Variants in KLRD1 observed in about 807,000 individuals in gnomAD.
The protein encoded by KLRD1 is killer cell lectin like receptor D1.
Under a neutral mutation model 22.6 loss-of-function variants are expected in KLRD1, and 21 were observed. The observed-to-expected ratio is 0.93, with a 90% CI of 0.66 to 1.34. The LOEUF (loss-of-function observed/expected upper bound fraction) is 1.34, where lower values mean the gene tolerates loss of function less well. KLRD1 is among the 40% of genes most tolerant of loss of function. KLRD1 has a pLI of 0.00. For missense variants in KLRD1, 183 were observed against 208.6 expected, an observed-to-expected ratio of 0.88 and a Z score of 0.76; for synonymous variants, 59 against 71.1, an observed-to-expected ratio of 0.83 and a Z score of 0.85.
rs144842125 is a variant in KLRD1, at chr12:10,254,972, G to T, written c.-101+28739G>T. 2.1e-3 allele frequency among the ~76,000 whole-genome samples: 320 copies of T among 148,902 alleles called. 16 individuals carry two copies. Among genetic ancestry groups the T allele is most frequent in the African/African-American group, 7.6e-3 (308 of 40,350 alleles). On this transcript the variant is annotated intron_variant, in intron 1 of 5. Transcript: ENST00000544747. ...ACTTCTCAAAAGAAGACATACTTGT[G>T]GCCTACAAGCACATGAAAAAAGCTC... is the stretch of plus-strand genomic sequence containing the variant.
At chr12:10,240,403 A>T (rs1192599502) in intron 1 of KLRD1, among the ~76,000 whole-genome samples, 1 of 150,462 alleles carries the variant, frequency 6.6e-6, no homozygotes, top group Admixed American at 6.6e-5. Flanking sequence ...CTTTGCTTTC[A>T]TTGTTCAGCT....
intron 1 of KLRD1, among the ~76,000 whole-genome samples, chr12:10,298,641 C>T (rs992819656): frequency 4.6e-5 from 7 of 152,224 alleles, no homozygotes; most frequent in African/African-American, 9.6e-5. Context: ...CCACCCAGGG[C>T]GGGAAACCTT....
chr12:10,274,184 G>C (rs1322960507), intron 1 of KLRD1, among the ~76,000 whole-genome samples: 1 of 152,146 alleles, frequency 6.6e-6, no homozygotes, highest in Non-Finnish European at 1.5e-5. Flanking sequence ...GGAGGCTGAG[G>C]CAGGAGAATC....
At chr12:10,288,873 G>A (rs952189227) in intron 1 of KLRD1, among the ~76,000 whole-genome samples, 1 of 152,176 alleles carries the variant, frequency 6.6e-6, no homozygotes, top group Non-Finnish European at 1.5e-5. Context: ...CGTACCAAAT[G>A]AGTGTCTAGT....
In KLRD1 at chr12:10,239,434, T is replaced by TTTCCTTCCTTCCTTCC. The variant is rs1190408287; in HGVS notation, c.-101+13237_-101+13252dup. ...CTTCCTTCTTTCCATCCTTCCTTCC[T>TTTCCTTCCTTCCTTCC]TTCCTTCCTTCCTTCCTTCCTTCCT... On this transcript the variant is annotated intron_variant, in intron 1 of 5. Transcript: ENST00000544747. 8.5e-3 allele frequency among the ~76,000 whole-genome samples: 354 copies of TTTCCTTCCTTCCTTCC among 41,434 alleles called. 36 individuals carry two copies. Among genetic ancestry groups the TTTCCTTCCTTCCTTCC allele is most frequent in the Non-Finnish European group, 0.012 (246 of 20,354 alleles). The allele number at this position is 41,434 out of a possible 152,430, so 27.2% of individuals were successfully genotyped here. A position where few individuals can be genotyped will look rare whatever the true frequency, so the allele number is the denominator to read the frequency against.
chr12:10,250,306 C>G (rs1010479603), intron 1 of KLRD1, among the ~76,000 whole-genome samples: 2 of 146,134 alleles, frequency 1.4e-5, no homozygotes, highest in African/African-American at 5.1e-5. Context: ...TGGCCCCAAA[C>G]ATTTTAGCAT....
chr12:10,286,071 C>T (rs1949699541), intron 1 of KLRD1, among the ~76,000 whole-genome samples: 1 of 152,176 alleles, frequency 6.6e-6, no homozygotes, highest in South Asian at 2.1e-4. Flanking sequence ...CACTTTATCC[C>T]CAACATCCTG....
At chr12:10,299,944 T>C (rs1015539389), upstream of KLRD1, among the ~76,000 whole-genome samples, 6 of 152,196 alleles carry the variant, frequency 3.9e-5, no homozygotes, top group Non-Finnish European at 8.8e-5. Context: ...ACTCATATAT[T>C]CACGTTTTCT....
chr12:10,274,598 T>C (rs894262077), intron 1 of KLRD1, among the ~76,000 whole-genome samples: 3 of 152,206 alleles, frequency 2.0e-5, no homozygotes, highest in African/African-American at 7.2e-5. Context: ...AATTTCTTTT[T>C]CATGCTGTCT....
rs189568080 is a variant in KLRD1 at position 10,315,238 on chromosome 12, C to T, written c.*445C>T. On this transcript the variant is annotated 3_prime_UTR_variant, in exon 6 of 6. Transcript: ENST00000336164. ...AGCTCAAGTGATCCTCCTGACTCAG[C>T]CTCCCAAGTAGCTAGGACTGCAGGC... 2 of 425,652 alleles carry T rather than the reference C, an allele frequency of 4.7e-6. No homozygotes were observed. Among genetic ancestry groups the T allele is most frequent in the South Asian group, 1.6e-5 (1 of 61,230 alleles). The allele number at this position is 425,652 out of a possible 1,614,324, so 26.4% of individuals were successfully genotyped here.
At chr12:10,262,314 T>C (rs560120133) in intron 1 of KLRD1, among the ~76,000 whole-genome samples, 12 of 152,052 alleles carry the variant, frequency 7.9e-5, no homozygotes, top group Non-Finnish European at 1.8e-4. Context: ...AAAATGTCAG[T>C]TTTCTTCAAA....
chr12:10,288,185 G>C (rs1348551002), intron 1 of KLRD1, among the ~76,000 whole-genome samples: 1 of 151,046 alleles, frequency 6.6e-6, no homozygotes, highest in African/African-American at 2.4e-5. Context: ...GGAGGTTACA[G>C]TGAGCCGATA....
intron 1 of KLRD1, among the ~76,000 whole-genome samples, chr12:10,240,068 T>G (rs1481939326): frequency 6.8e-6 from 1 of 147,884 alleles, no homozygotes; most frequent in Admixed American, 6.7e-5. Flanking sequence ...CTTTCTTTCT[T>G]TTTTTTTTTG....
At chr12:10,264,142 G>C (rs1179774339) in intron 1 of KLRD1, among the ~76,000 whole-genome samples, 2 of 152,078 alleles carry the variant, frequency 1.3e-5, no homozygotes, top group Non-Finnish European at 2.9e-5. Flanking sequence ...CTCTATTTCT[G>C]TCATATATTT....
At chr12:10,289,010 C>G (rs760084462) in intron 1 of KLRD1, among the ~76,000 whole-genome samples, 2 of 152,168 alleles carry the variant, frequency 1.3e-5, no homozygotes, top group Non-Finnish European at 2.9e-5. Flanking sequence ...TCCTGTGTCT[C>G]TTTTTCTTTA....
chr12:10,293,256 A>T (rs1043850521), intron 1 of KLRD1, among the ~76,000 whole-genome samples: 2 of 145,474 alleles, frequency 1.4e-5, no homozygotes, highest in Non-Finnish European at 3.0e-5. Flanking sequence ...ATTTGGCTAA[A>T]TGTTTGACTC....
In KLRD1 at chr12:10,323,786, GCAT is replaced by G. The variant is rs1044982231; in HGVS notation, c.*8997_*8999del. 5.3e-5 allele frequency: 8 copies of G among 150,506 alleles called. No individual in the cohort carries two copies. Among genetic ancestry groups the G allele is most frequent in the African/African-American group, 1.9e-4 (8 of 41,028 alleles). The allele number at this position is 150,506 out of a possible 1,614,324, so 9.3% of individuals were successfully genotyped here. A position where few individuals can be genotyped will look rare whatever the true frequency, so the allele number is the denominator to read the frequency against. The stretch of plus-strand genomic sequence containing the variant: ...ATCTGTGTTCTAGATTTTTCATTCA[GCAT>G]CATAATAGTTTTTATACTCATCTAT... On this transcript the variant is annotated 3_prime_UTR_variant, in exon 6 of 6. Coordinates refer to ENST00000336164, the MANE Select transcript of KLRD1 (RefSeq NM_002262.5).
intron 1 of KLRD1, among the ~76,000 whole-genome samples, chr12:10,288,986 G>A (rs1949738902): frequency 6.6e-6 from 1 of 151,958 alleles, no homozygotes; most frequent in African/African-American, 2.4e-5. Context: ...TCTGAGTTAG[G>A]GCATCCTTTT....
intron 1 of KLRD1, among the ~76,000 whole-genome samples, chr12:10,271,607 A>G (rs1034979236): frequency 9.2e-5 from 14 of 152,114 alleles, no homozygotes; most frequent in Admixed American, 3.3e-4. Context: ...TCCGTTCTGG[A>G]TATTTGAAGA....
Sources: gnomAD v4.1 joint callset for allele counts (sites outside exome capture counted in the v4.1 genomes callset) on GRCh38, gnomAD v4.1.1 for gene constraint, MANE v1.5 for transcripts, NCBI Gene and HGNC (gene_info 2026-07-23, HGNC 2026-07-21) for gene names.